GRID1: variants seen among roughly 807,000 people sequenced by gnomAD.
The protein encoded by GRID1 is glutamate receptor ionotropic, delta-1.
In GRID1, 28 loss-of-function variants were observed where a neutral mutation model predicts 98.0. The observed-to-expected ratio is 0.29, with a 90% CI of 0.21 to 0.39. GRID1 has a LOEUF of 0.39. GRID1 is among the 10% of genes least tolerant of loss of function. The probability of loss-of-function intolerance (pLI) is 1.00; values close to 1 mark genes in which losing one functional copy is unlikely to be tolerated. For synonymous variants in GRID1, 553 were observed against 538.5 expected (o/e 1.03, Z -0.37); for missense variants, 1,111 against 1,340.5 (o/e 0.83, Z 2.67).
At chr10:85,704,475 C>T (rs944940798) in intron 12 of GRID1, among the ~76,000 whole-genome samples, 1 of 152,136 alleles carries the variant, frequency 6.6e-6, no homozygotes, top group Admixed American at 6.5e-5. Flanking sequence ...AAAGCAAGTC[C>T]TTAGAGACCT....
chr10:85,885,916 T>A (rs932341610), intron 5 of GRID1, among the ~76,000 whole-genome samples: 1 of 152,194 alleles, frequency 6.6e-6, no homozygotes, highest in African/African-American at 2.4e-5. Flanking sequence ...ACAGTAGCTG[T>A]CCCTGGGGGA....
intron 15 of GRID1, among the ~76,000 whole-genome samples, chr10:85,609,935 G>A (rs1040090307): frequency 2.0e-5 from 3 of 152,226 alleles, no homozygotes; most frequent in East Asian, 1.9e-4. Context: ...CTACATAATC[G>A]TCTGATTCCT....
intron 13 of GRID1, among the ~76,000 whole-genome samples, chr10:85,620,422 G>A (rs949735535): frequency 1.3e-5 from 2 of 151,350 alleles, no homozygotes; most frequent in Non-Finnish European, 3.0e-5. Flanking sequence ...AGAAATGTTG[G>A]GGAGAATAAT....
chr10:85,962,229 C>T (rs1231975191), intron 4 of GRID1, among the ~76,000 whole-genome samples: 2 of 152,194 alleles, frequency 1.3e-5, no homozygotes, highest in Admixed American at 6.5e-5. Context: ...CTTCCCTTCC[C>T]GGCATTCCTT....
At chr10:85,977,555 T>C (rs1437015161) in intron 4 of GRID1, among the ~76,000 whole-genome samples, 1 of 152,186 alleles carries the variant, frequency 6.6e-6, no homozygotes, top group African/African-American at 2.4e-5. Flanking sequence ...CTATGAAACA[T>C]TTCTAGCAAC....
intron 12 of GRID1, among the ~76,000 whole-genome samples, chr10:85,693,546 A>G (rs1310425535): frequency 6.6e-6 from 1 of 151,278 alleles, no homozygotes; most frequent in Non-Finnish European, 1.5e-5. Flanking sequence ...CTACAAGGCT[A>G]TAGTAAAAAA....
At chr10:86,221,604 G>A (rs1210349323) in intron 2 of GRID1, among the ~76,000 whole-genome samples, 1 of 152,188 alleles carries the variant, frequency 6.6e-6, no homozygotes, top group Admixed American at 6.5e-5. Flanking sequence ...CTGATGCTGG[G>A]GCAGAGAAAG....
At chr10:85,886,066 C>T (rs895188507) in intron 5 of GRID1, among the ~76,000 whole-genome samples, 1 of 150,618 alleles carries the variant, frequency 6.6e-6, no homozygotes, top group African/African-American at 2.5e-5. Context: ...AGACCCAGAG[C>T]TGTGTCCTGC....
intron 4 of GRID1, among the ~76,000 whole-genome samples, chr10:85,978,609 T>C (rs1348065961): frequency 6.6e-6 from 1 of 150,618 alleles, no homozygotes; most frequent in Non-Finnish European, 1.5e-5. Flanking sequence ...ACAATTACTT[T>C]AACAGAAAAA....
intron 2 of GRID1, among the ~76,000 whole-genome samples, chr10:86,250,786 C>T (rs1846814372): frequency 2.6e-5 from 4 of 151,730 alleles, no homozygotes; most frequent in Admixed American, 2.6e-4. Context: ...GCCCGGCCGC[C>T]ACCCCGTCTG....
chr10:86,322,014 G>T (rs1409180228), intron 2 of GRID1, among the ~76,000 whole-genome samples: 1 of 151,958 alleles, frequency 6.6e-6, no homozygotes, highest in African/African-American at 2.4e-5. Flanking sequence ...TGGGTACTAG[G>T]ACAAGCAGAA....
At chr10:85,653,850 C>G (rs1252482505) in intron 12 of GRID1, among the ~76,000 whole-genome samples, 1 of 152,130 alleles carries the variant, frequency 6.6e-6, no homozygotes, top group South Asian at 2.1e-4. Flanking sequence ...AAGGTGCACA[C>G]CAAATGCAGC....
At chr10:85,818,821 G>C (rs1446858575) in intron 8 of GRID1, among the ~76,000 whole-genome samples, 1 of 151,974 alleles carries the variant, frequency 6.6e-6, no homozygotes, top group Non-Finnish European at 1.5e-5. Context: ...CTGTTCAAGC[G>C]AGTCTCGTGC....
At chr10:86,130,451 T>C (rs916154355) in intron 4 of GRID1, among the ~76,000 whole-genome samples, 4 of 152,118 alleles carry the variant, frequency 2.6e-5, no homozygotes, top group Non-Finnish European at 4.4e-5. Flanking sequence ...CCTGTACCCA[T>C]ATAAACCCCA....
intron 4 of GRID1, among the ~76,000 whole-genome samples, chr10:86,099,769 C>T (rs1283934460): frequency 3.9e-5 from 6 of 152,124 alleles, no homozygotes; most frequent in Non-Finnish European, 7.4e-5. Context: ...CCTCAGGGTC[C>T]GACTGCTTCA....
chr10:86,146,864 C>T lies in GRID1; in HGVS notation c.521-7840G>A, dbSNP rs1426832589. Among the ~76,000 whole-genome samples, 3 of 152,192 alleles carry T rather than the reference C, an allele frequency of 2.0e-5. No individual in the cohort carries two copies. The East Asian group carries it at 5.8e-4, about 29-fold the overall frequency. ...GAATGTGTTCCATTTGCAGACAGTA[C>T]TTCATAAATAAATGAAGTCCCTGCA... On this transcript the variant is annotated intron_variant, in intron 3 of 15. Transcript: ENST00000327946.
At chr10:85,960,574 G>A (rs891898981) in intron 4 of GRID1, among the ~76,000 whole-genome samples, 2 of 152,214 alleles carry the variant, frequency 1.3e-5, no homozygotes, top group Admixed American at 1.3e-4. Flanking sequence ...TGCTAAGGTA[G>A]AGAGAGCACT....
intron 4 of GRID1, among the ~76,000 whole-genome samples, chr10:86,043,773 G>C (rs1165742988): frequency 2.6e-5 from 4 of 152,190 alleles, no homozygotes; most frequent in Non-Finnish European, 5.9e-5. Context: ...TTTCCCAAAT[G>C]TCAGCCCTTA....
intron 13 of GRID1, among the ~76,000 whole-genome samples, chr10:85,632,653 C>T (rs867321427): frequency 4.6e-5 from 7 of 152,320 alleles, no homozygotes; most frequent in African/African-American, 1.2e-4. Context: ...AAGTGGTTCT[C>T]GTGCCTCAGC....
Sources: gnomAD v4.1 joint callset for allele counts (sites outside exome capture counted in the v4.1 genomes callset) on GRCh38, gnomAD v4.1.1 for gene constraint, MANE v1.5 for transcripts, NCBI Gene and HGNC (gene_info 2026-07-23, HGNC 2026-07-21) for gene names.